The following PCDHA2 variants were observed in gnomAD, a reference collection of about 807,000 sequenced individuals.
The protein encoded by PCDHA2 is protocadherin alpha 2, also known as protocadherin alpha-2.
PCDHA2 carries 58 observed loss-of-function variants against 66.0 expected under a neutral mutation model. The ratio of observed to expected loss-of-function variants is 0.88; its 90% CI spans 0.71 to 1.09. The LOEUF (loss-of-function observed/expected upper bound fraction) is 1.09, where lower values mean the gene tolerates loss of function less well. PCDHA2 is among the 50% of genes least tolerant of loss of function. The pLI, the probability that PCDHA2 is intolerant of heterozygous loss-of-function variation, is 0.00. For missense variants in PCDHA2, 1,267 were observed against 1,242.3 expected (o/e 1.02, Z -0.30); for synonymous variants, 634 against 554.0 (o/e 1.14, Z -2.03).
At chr5:140,884,037 T>C (rs1260114488) in intron 1 of PCDHA2, 1 of 1,613,346 alleles carries the variant, frequency 6.2e-7, no homozygotes, top group Non-Finnish European at 8.5e-7. Flanking sequence ...GCAGGCCACG[T>C]GGTGGCGAAG....
chr5:140,930,084 A>T (rs1350674790), intron 1 of PCDHA2: 2 of 152,142 alleles, frequency 1.3e-5, no homozygotes, highest in Non-Finnish European at 2.9e-5. Flanking sequence ...CTCTCATAAC[A>T]TCTATTTATA....
Position 140,974,189 on chromosome 5 carries a change from G to T in PCDHA2, c.2389-4760G>T, listed in dbSNP as rs146863475. On this transcript the variant is annotated intron_variant, in intron 1 of 3. Transcript: ENST00000526136. ...AGAATTTTAACTTGACAAATGCAAA[G>T]GAATATCCAACATTGCAAAGGTAAA... Among the ~76,000 whole-genome samples the T allele has an allele frequency of 7.6e-3, 1,163 of 152,258 alleles. 4 individuals carry two copies. The highest frequency in any genetic ancestry group is 0.014 in the Middle Eastern group (4 of 294).
At chr5:140,966,447 C>T (rs373859357) in intron 1 of PCDHA2, 40 of 425,326 alleles carry the variant, frequency 9.4e-5, no homozygotes, top group Middle Eastern at 5.8e-4. Context: ...CTCCCTTTCC[C>T]CCTCCCCCTC....
intron 1 of PCDHA2, chr5:140,876,227 C>T (rs782218758): frequency 2.5e-6 from 4 of 1,613,794 alleles, no homozygotes; most frequent in South Asian, 2.2e-5. Flanking sequence ...GTAGTGTTGT[C>T]TGAAAATGTC....
chr5:141,004,948 C>G (rs1356526927), intron 3 of PCDHA2, among the ~76,000 whole-genome samples: 1 of 152,236 alleles, frequency 6.6e-6, no homozygotes, highest in Non-Finnish European at 1.5e-5. Context: ...TTCTTACCCT[C>G]TCTCGTCACT....
chr5:140,978,440 T>C, intron 1 of PCDHA2, among the ~76,000 whole-genome samples: 1 of 152,244 alleles, frequency 6.6e-6, no homozygotes. Context: ...GCTGGTGTTA[T>C]GACTGGGCAC....
At chr5:140,887,976 TA>T (rs1462545504) in intron 1 of PCDHA2, among the ~76,000 whole-genome samples, 1 of 152,256 alleles carries the variant, frequency 6.6e-6, no homozygotes, top group African/African-American at 2.4e-5. Context: ...TTTTAAAATT[TA>T]TTTTACATGT....
chr5:140,966,042 G>T (rs1554228004), intron 1 of PCDHA2, among the ~76,000 whole-genome samples: 1 of 152,152 alleles, frequency 6.6e-6, no homozygotes, highest in Admixed American at 6.5e-5. Context: ...AGTTCCCATC[G>T]CCAGTAACCC....
chr5:140,887,387 C>T (rs959255749), intron 1 of PCDHA2, among the ~76,000 whole-genome samples: 8 of 152,106 alleles, frequency 5.3e-5, no homozygotes, highest in Non-Finnish European at 1.5e-5. Context: ...TGAGCCACCG[C>T]GCCCGGCTCT....
At position 140,977,766 on chromosome 5, in the gene PCDHA2, G is replaced by C. The variant is rs559146656; in HGVS notation, c.2389-1183G>C. ...AAGAAATGTGTTTATTAAATACTTTGCATCCCTTAAAGGAACTATATGAAT... is the reference window on the plus strand; with the variant it reads ...AAGAAATGTGTTTATTAAATACTTTCCATCCCTTAAAGGAACTATATGAAT... On this transcript the variant is annotated intron_variant, in intron 1 of 3. Coordinates refer to ENST00000526136, the MANE Select transcript of PCDHA2 (RefSeq NM_018905.3). Among the ~76,000 whole-genome samples, 3 of 152,272 alleles carry C rather than the reference G, an allele frequency of 2.0e-5. No homozygotes were observed. In the South Asian group the frequency reaches 6.2e-4, roughly 32 times the overall value.
chr5:140,884,503 A>C (rs782488569), intron 1 of PCDHA2: 82 of 1,613,940 alleles, frequency 5.1e-5, no homozygotes, highest in Middle Eastern at 1.6e-4. Flanking sequence ...CCAGCGCGGC[A>C]GGGAGTTGGT....
chr5:140,918,425 T>A (rs1402096329), intron 1 of PCDHA2, among the ~76,000 whole-genome samples: 1 of 152,200 alleles, frequency 6.6e-6, no homozygotes, highest in Non-Finnish European at 1.5e-5. Flanking sequence ...TCCAGTAGGA[T>A]GTTGAATAGG....
rs2150263250 is a variant in PCDHA2 at position 140,836,539 on chromosome 5, C to A, written c.2388+39187C>A. On this transcript the variant is annotated intron_variant, in intron 1 of 3. Transcript: ENST00000526136. ...TTGGTGCTTACCCTGCTGCTGTACA[C>A]GGCGTTGCGGTGCTCAGCGCCGTCC... 8.1e-6 allele frequency: 13 copies of A among 1,613,680 alleles called. No individual in the cohort carries two copies. In the South Asian group the frequency reaches 1.1e-4, roughly 14 times the overall value.
chr5:140,981,670 C>T (rs1389601276), intron 2 of PCDHA2, among the ~76,000 whole-genome samples: 8 of 152,070 alleles, frequency 5.3e-5, no homozygotes, highest in Non-Finnish European at 1.0e-4. Context: ...TCCTTCCTTT[C>T]TTCCTTCCTC....
At position 140,928,541 on chromosome 5, in the gene PCDHA2, A is replaced by T. The variant is rs149868042; in HGVS notation, c.2389-50408A>T. Reference sequence around the variant, plus strand: ...AACTTGTTTGTGGTAGATAGGAATGACAATTATCCGGTTATCTTGTTTCCC... The same window carrying T: ...AACTTGTTTGTGGTAGATAGGAATGTCAATTATCCGGTTATCTTGTTTCCC... On this transcript the variant is annotated intron_variant, in intron 1 of 3. Transcript: ENST00000526136. 1,755 of 1,614,192 alleles carry T rather than the reference A, an allele frequency of 1.1e-3. 11 individuals carry two copies. In the African/African-American group the frequency reaches 0.015, roughly 13 times the overall value.
In PCDHA2 at chr5:140,927,984, A is replaced by G. The variant is rs112872627; in HGVS notation, c.2389-50965A>G. 5.7e-5 allele frequency: 92 copies of G among 1,614,218 alleles called. 4 individuals are homozygous for G. In the African/African-American group the frequency reaches 7.1e-4, roughly 12 times the overall value. Reference sequence around the variant, plus strand: ...GCACAGTGATTGCTCTCTTTAGTGTAAAGGATGAAGACCTCGATTCTAATG... The same window carrying G: ...GCACAGTGATTGCTCTCTTTAGTGTGAAGGATGAAGACCTCGATTCTAATG... On this transcript the variant is annotated intron_variant, in intron 1 of 3. Coordinates refer to ENST00000526136, the MANE Select transcript of PCDHA2 (RefSeq NM_018905.3).
chr5:140,988,324 C>T (rs2097292768), intron 3 of PCDHA2, among the ~76,000 whole-genome samples: 1 of 152,206 alleles, frequency 6.6e-6, no homozygotes, highest in African/African-American at 2.4e-5. Flanking sequence ...CTTTCTCTAC[C>T]CGAGGAAAGT....
At chr5:140,951,373 C>T (rs1554219872) in intron 1 of PCDHA2, among the ~76,000 whole-genome samples, 1 of 151,996 alleles carries the variant, frequency 6.6e-6, no homozygotes, top group Non-Finnish European at 1.5e-5. Context: ...AAAGAAACAC[C>T]CAAGACTCGG....
Position 140,797,329 on chromosome 5 carries a change from T to C in PCDHA2, c.2365T>C (p.Ser789Pro). The C allele has an allele frequency of 1.9e-6, 3 of 1,614,184 alleles. No homozygotes were observed. Among genetic ancestry groups the C allele is most frequent in the Non-Finnish European group, 2.5e-6 (3 of 1,180,006 alleles). ...GPDSAEEKQL[S>P]ESEYVGKPRQ... ...AGACTCCGCAGAAGAGAAACAGCTC[T>C]CAGAATCAGAATACGTAGGAAAGGT... is the stretch of plus-strand genomic sequence containing the variant. Residue 789 changes from serine (S) to proline (P), a missense_variant, in exon 1 of 4, where the codon TCA becomes CCA. Ser to Pro is a moderately conservative substitution (Grantham distance 74, BLOSUM62 -1). Coordinates refer to ENST00000526136, the MANE Select transcript of PCDHA2 (RefSeq NM_018905.3).
Sources: allele counts gnomAD v4.1 joint callset (sites outside exome capture counted in the v4.1 genomes callset), GRCh38; gene constraint gnomAD v4.1.1; transcripts MANE v1.5; gene names NCBI Gene and HGNC (gene_info 2026-07-23, HGNC 2026-07-21).